MYEF2: variants seen among roughly 807,000 people sequenced by gnomAD.
MYEF2 encodes the protein myelin expression factor 2.
MYEF2 carries 37 observed loss-of-function variants against 75.2 expected under a neutral mutation model. The observed-to-expected ratio is 0.49, with a 90% confidence interval of 0.38 to 0.65. The LOEUF is 0.65. MYEF2 is among the 30% of genes least tolerant of loss of function. The probability of loss-of-function intolerance (pLI) is 0.00; values close to 1 mark genes in which losing one functional copy is unlikely to be tolerated. For synonymous variants in MYEF2, 195 were observed against 241.6 expected (o/e 0.81, Z 1.79); for missense variants, 634 against 771.4 (o/e 0.82, Z 2.11).
chr15:48,141,906 T>G lies in MYEF2; in HGVS notation c.*1002A>C. On this transcript the variant is annotated 3_prime_UTR_variant, in exon 17 of 17. Coordinates refer to ENST00000324324, the MANE Select transcript of MYEF2 (RefSeq NM_016132.5). ...TACAAATTCAGTAAGACTTTTGCTC[T>G]AACAACAATTTTTCAAAACGAATCA... 1.4e-6 allele frequency: 1 copy of G among 697,842 alleles called. No individual in the cohort carries two copies. 43.2% of individuals were successfully genotyped at this position (697,842 alleles called of 1,614,324 possible). A position where few individuals can be genotyped will look rare whatever the true frequency, so the allele number is the denominator to read the frequency against.
chr15:48,136,764 T>A lies in MYEF2; in HGVS notation c.*6144A>T, dbSNP rs746843699. The A allele has an allele frequency of 2.2e-5, 36 of 1,613,610 alleles. 1 individual carries two copies. The South Asian group carries it at 3.5e-4, about 16-fold the overall frequency. On this transcript the variant is annotated 3_prime_UTR_variant, in exon 17 of 17. Transcript: ENST00000324324. ...TTGACATTAAAATTAACCAATATAT[T>A]ATAAAGAAATGCAGTCCTTGCTGCG...
At position 48,141,327 on chromosome 15, in the gene MYEF2, C is replaced by G; in HGVS notation, c.*1581G>C. The stretch of plus-strand genomic sequence containing the variant: ...GGTGTGGTGGCTCGCGCCTGTAATC[C>G]CAGGATTTTGGGAGGCCGAGGCGGG... On this transcript the variant is annotated 3_prime_UTR_variant, in exon 17 of 17. Coordinates refer to ENST00000324324, the MANE Select transcript of MYEF2 (RefSeq NM_016132.5). 1.2e-6 allele frequency: 1 copy of G among 839,194 alleles called. No individual in the cohort carries two copies. Among genetic ancestry groups the G allele is most frequent in the South Asian group, 1.7e-5 (1 of 60,362 alleles). The allele number at this position is 839,194 out of a possible 1,614,324, so 52.0% of individuals were successfully genotyped here.
chr15:48,140,976 A>C lies in MYEF2; in HGVS notation c.*1932T>G. 3.3e-6 allele frequency: 2 copies of C among 607,644 alleles called. No individual in the cohort carries two copies. Among genetic ancestry groups the C allele is most frequent in the South Asian group, 4.5e-5 (2 of 44,054 alleles). 37.6% of individuals were successfully genotyped at this position (607,644 alleles called of 1,614,324 possible). Reference sequence around the variant, plus strand: ...AAATATGTTGCTAGCTAAAAAACTAATAAGCAAGCACATATTGGCTCTGAA... The same window carrying C: ...AAATATGTTGCTAGCTAAAAAACTACTAAGCAAGCACATATTGGCTCTGAA... On this transcript the variant is annotated 3_prime_UTR_variant, in exon 17 of 17. Transcript: ENST00000324324.
At chr15:48,169,086 A>G (rs955291194) in intron 1 of MYEF2, among the ~76,000 whole-genome samples, 14 of 152,162 alleles carry the variant, frequency 9.2e-5, no homozygotes, top group Admixed American at 9.2e-4. Context: ...GTAAGCATCC[A>G]AACAATCACC....
At chr15:48,162,154 T>A (rs1332376867) in intron 5 of MYEF2, among the ~76,000 whole-genome samples, 1 of 151,876 alleles carries the variant, frequency 6.6e-6, no homozygotes, top group Non-Finnish European at 1.5e-5. Context: ...CTGGGATACA[T>A]GTTATATGTT....
intron 11 of MYEF2, 53 bp from the exon 12 acceptor site, chr15:48,151,995 G>A (rs2039509156): frequency 2.6e-6 from 4 of 1,561,234 alleles, no homozygotes; most frequent in Admixed American, 3.3e-5. Context: ...GTAGCTGAAA[G>A]GTACGTTTTG....
In MYEF2 at chr15:48,141,214, G is replaced by T; in HGVS notation, c.*1694C>A. 2 of 1,609,120 alleles carry T rather than the reference G, an allele frequency of 1.2e-6. No individual in the cohort carries two copies. Among genetic ancestry groups the T allele is most frequent in the Non-Finnish European group, 1.7e-6 (2 of 1,175,602 alleles). ...TGCAAGTGTGTTGGTTGCAAGAAAA[G>T]GTAAGAACTAGGTCCCTCAAGCTGC... is the stretch of plus-strand genomic sequence containing the variant. On this transcript the variant is annotated 3_prime_UTR_variant, in exon 17 of 17. Coordinates refer to ENST00000324324, the MANE Select transcript of MYEF2 (RefSeq NM_016132.5).
chr15:48,168,901 C>T, intron 1 of MYEF2, 62 bp from the exon 2 acceptor site: 1 of 1,266,834 alleles, frequency 7.9e-7, no homozygotes, highest in Non-Finnish European at 1.1e-6. Flanking sequence ...GAATGGAAGT[C>T]TATATTAAAT....
intron 1 of MYEF2, among the ~76,000 whole-genome samples, chr15:48,169,170 C>T (rs1396812533): frequency 6.6e-6 from 1 of 152,150 alleles, no homozygotes; most frequent in Non-Finnish European, 1.5e-5. Flanking sequence ...GATAATTTTA[C>T]TTCTAAGGTA....
At chr15:48,157,960 C>T (rs1172138699) in intron 9 of MYEF2, 33 bp downstream of exon 9, 9 of 1,610,946 alleles carry the variant, frequency 5.6e-6, no homozygotes, top group South Asian at 2.2e-5. Flanking sequence ...CCAAAAAAAG[C>T]CTATGTTGTT....
intron 5 of MYEF2, 121 bp from the exon 6 acceptor site, chr15:48,159,925 G>C: frequency 9.9e-7 from 1 of 1,008,944 alleles, no homozygotes; most frequent in Non-Finnish European, 1.4e-6. Flanking sequence ...CCCTCTTGAA[G>C]AGTGAGCTTT....
intron 1 of MYEF2, among the ~76,000 whole-genome samples, chr15:48,169,683 C>T (rs1421801189): frequency 2.0e-5 from 3 of 151,606 alleles, no homozygotes; most frequent in Admixed American, 6.6e-5. Flanking sequence ...CTGCAACCTC[C>T]GCCTCCCAGG....
At position 48,136,346 on chromosome 15, in the gene MYEF2, T is replaced by C. The variant is rs1597261975; in HGVS notation, c.*6562A>G. ...AGCTGAGGCAGAAAATGTTCACCACTATTTATTAATTTTACATTTATTTTG... is the reference window on the plus strand; with the variant it reads ...AGCTGAGGCAGAAAATGTTCACCACCATTTATTAATTTTACATTTATTTTG... On this transcript the variant is annotated 3_prime_UTR_variant, in exon 17 of 17. Transcript: ENST00000324324. The C allele has an allele frequency of 5.5e-6, 1 of 181,864 alleles. No individual in the cohort carries two copies. Among genetic ancestry groups the C allele is most frequent in the South Asian group, 1.9e-4 (1 of 5,396 alleles). The allele number at this position is 181,864 out of a possible 1,614,324, so 11.3% of individuals were successfully genotyped here. A position where few individuals can be genotyped will look rare whatever the true frequency, so the allele number is the denominator to read the frequency against.
intron 16 of MYEF2, among the ~76,000 whole-genome samples, chr15:48,148,025 T>C (rs1292576704): frequency 6.6e-6 from 1 of 151,902 alleles, no homozygotes; most frequent in Non-Finnish European, 1.5e-5. Flanking sequence ...CTTGAACAAA[T>C]AACTATTAAT....
At position 48,141,876 on chromosome 15, in the gene MYEF2, A is replaced by T. The variant is rs745742282; in HGVS notation, c.*1032T>A. The T allele has an allele frequency of 6.6e-5, 33 of 500,548 alleles. No homozygotes were observed. The highest frequency in any genetic ancestry group is 1.1e-4 in the Non-Finnish European group (31 of 292,336). 31.0% of individuals were successfully genotyped at this position (500,548 alleles called of 1,614,324 possible). On this transcript the variant is annotated 3_prime_UTR_variant, in exon 17 of 17. Coordinates refer to ENST00000324324, the MANE Select transcript of MYEF2 (RefSeq NM_016132.5). The stretch of plus-strand genomic sequence containing the variant: ...TTAAATACTAACCCAAGAAAAATTT[A>T]AAAATACAAATTCAGTAAGACTTTT...
intron 16 of MYEF2, 86 bp downstream of exon 16, chr15:48,148,934 TCCGGACAGGCAA>T: frequency 8.2e-7 from 1 of 1,219,024 alleles, no homozygotes; most frequent in African/African-American, 1.5e-5. Flanking sequence ...GGAATAGGCA[TCCGGACAGGCAA>T]AGGTCTAAAC....
chr15:48,148,950 T>G, intron 16 of MYEF2, 82 bp downstream of exon 16: 1 of 1,424,394 alleles, frequency 7.0e-7, no homozygotes, highest in Non-Finnish European at 9.9e-7. Context: ...CAGGCAAAGG[T>G]CTAAACACAG....
chr15:48,151,783 T>C lies in MYEF2; in HGVS notation c.1207+91A>G, dbSNP rs550711053. 31 of 1,461,654 alleles carry C rather than the reference T, an allele frequency of 2.1e-5. No individual in the cohort carries two copies. In the East Asian group the frequency reaches 4.8e-4, roughly 23 times the overall value. The allele number at this position is 1,461,654 out of a possible 1,614,324, so 90.5% of individuals were successfully genotyped here. ...TGCCTATATGCCTTCTGAAGACATTTTTAGCACACATTCCTAAGTTATAGG... is the reference window on the plus strand; with the variant it reads ...TGCCTATATGCCTTCTGAAGACATTCTTAGCACACATTCCTAAGTTATAGG... On this transcript the variant is annotated intron_variant, in intron 12 of 16. Transcript: ENST00000324324.
At chr15:48,157,436 A>C (rs1230498017) in intron 9 of MYEF2, 1 of 152,260 alleles carries the variant, frequency 6.6e-6, no homozygotes, top group South Asian at 2.1e-4. Context: ...TGTGAACAAA[A>C]AGGCATGTGT....
Sources: gnomAD v4.1 joint callset for allele counts (sites outside exome capture counted in the v4.1 genomes callset) on GRCh38, gnomAD v4.1.1 for gene constraint, MANE v1.5 for transcripts, NCBI Gene and HGNC (gene_info 2026-07-23, HGNC 2026-07-21) for gene names.